The following ESR1 variants were observed in gnomAD, a reference collection of about 807,000 sequenced individuals.
ESR1 encodes estrogen receptor.
A neutral mutation model predicts 52.7 loss-of-function variants in ESR1; 12 were observed. The ratio of observed to expected loss-of-function variants is 0.23; its 90% CI spans 0.15 to 0.37. The LOEUF is 0.37. Among genes scored for constraint, ESR1 ranks in the 10% least tolerant of loss-of-function variants. The probability of loss-of-function intolerance (pLI) is 1.00; values close to 1 mark genes in which losing one functional copy is unlikely to be tolerated. For synonymous variants in ESR1, 305 were observed against 316.8 expected (o/e 0.96, Z 0.39); for missense variants, 584 against 779.7 (o/e 0.75, Z 2.99).
At chr6:151,809,296 T>C in intron 1 of ESR1, 1 of 352,668 alleles carries the variant, frequency 2.8e-6, no homozygotes, top group Non-Finnish European at 6.2e-6. Flanking sequence ...TTTTAATTTT[T>C]TTCCCTACAA....
chr6:151,875,922 G>T (rs1639092296), intron 2 of ESR1, among the ~76,000 whole-genome samples: 1 of 152,210 alleles, frequency 6.6e-6, no homozygotes, highest in East Asian at 1.9e-4. Context: ...ATTGAGGCAG[G>T]ATAGTGGCCT....
intron 2 of ESR1, among the ~76,000 whole-genome samples, chr6:151,783,817 C>T (rs913404799): frequency 6.6e-6 from 1 of 152,064 alleles, no homozygotes; most frequent in Non-Finnish European, 1.5e-5. Context: ...TCCAGAATAC[C>T]ACATTACATT....
chr6:152,001,009 A>G (rs1167824430), intron 4 of ESR1, among the ~76,000 whole-genome samples: 2 of 152,010 alleles, frequency 1.3e-5, no homozygotes, highest in African/African-American at 2.4e-5. Flanking sequence ...TTCCTGTTGT[A>G]ATCCTTAGGG....
intron 4 of ESR1, among the ~76,000 whole-genome samples, chr6:151,991,337 T>G (rs971438289): frequency 6.6e-6 from 1 of 152,178 alleles, no homozygotes; most frequent in Admixed American, 6.5e-5. Flanking sequence ...CGCATTTTAT[T>G]TTTATTTTCT....
intron 2 of ESR1, among the ~76,000 whole-genome samples, chr6:151,768,654 A>G (rs1407280281): frequency 6.6e-6 from 1 of 152,156 alleles, no homozygotes; most frequent in Non-Finnish European, 1.5e-5. Flanking sequence ...TTACTCTCAA[A>G]CATCTCAGAA....
At chr6:151,830,729 CT>C (rs1307847620) in intron 1 of ESR1, among the ~76,000 whole-genome samples, 1 of 152,046 alleles carries the variant, frequency 6.6e-6, no homozygotes, top group Non-Finnish European at 1.5e-5. Flanking sequence ...TTTTTCCAGT[CT>C]ATTCTTGTTT....
intron 3 of ESR1, among the ~76,000 whole-genome samples, chr6:151,890,027 A>T (rs1794465311): frequency 6.6e-6 from 1 of 151,798 alleles, no homozygotes; most frequent in South Asian, 2.1e-4. Flanking sequence ...TATGGTGTCA[A>T]TGTTCTTAAA....
intron 2 of ESR1, among the ~76,000 whole-genome samples, chr6:151,771,846 A>C (rs1785545602): frequency 6.6e-6 from 1 of 152,194 alleles, no homozygotes; most frequent in South Asian, 2.1e-4. Flanking sequence ...ATTAAAAAAA[A>C]CAACAACTGA....
chr6:151,691,422 G>A (rs529541641), intron 1 of ESR1, among the ~76,000 whole-genome samples: 1 of 152,272 alleles, frequency 6.6e-6, no homozygotes, highest in South Asian at 2.1e-4. Context: ...GGAAATGCTC[G>A]CTGAACTGTA....
At chr6:151,945,121 G>A (rs1451690704) in intron 4 of ESR1, among the ~76,000 whole-genome samples, 1 of 152,120 alleles carries the variant, frequency 6.6e-6, no homozygotes, top group African/African-American at 2.4e-5. Context: ...GGGAGGCCGA[G>A]GTGAGAGGAT....
At chr6:151,842,875 C>A in intron 2 of ESR1, 88 bp downstream of exon 2, 1 of 1,162,828 alleles carries the variant, frequency 8.6e-7, no homozygotes, top group Non-Finnish European at 1.3e-6. Context: ...GACATAGAAT[C>A]AGCCATTTGT....
intron 1 of ESR1, among the ~76,000 whole-genome samples, chr6:151,661,051 A>G (rs574305166): frequency 1.6e-4 from 25 of 152,376 alleles, no homozygotes; most frequent in African/African-American, 5.8e-4. Flanking sequence ...GAGTGAGTGC[A>G]ATAGACACAA....
chr6:151,895,987 G>A (rs1389926190), intron 3 of ESR1, among the ~76,000 whole-genome samples: 2 of 151,948 alleles, frequency 1.3e-5, no homozygotes, highest in Admixed American at 6.5e-5. Flanking sequence ...ATAGGGTTTC[G>A]CTATGTTGGC....
chr6:151,803,228 A>G (rs1777438370), upstream of ESR1, among the ~76,000 whole-genome samples: 1 of 152,182 alleles, frequency 6.6e-6, no homozygotes, highest in Non-Finnish European at 1.5e-5. Context: ...AAACAGATAA[A>G]TAACTCTAAT....
chr6:152,042,479 GCA>G (rs2045888670), intron 5 of ESR1, among the ~76,000 whole-genome samples: 1 of 152,170 alleles, frequency 6.6e-6, no homozygotes, highest in South Asian at 2.1e-4. Flanking sequence ...TTTCCCCAGT[GCA>G]CAGTTACCCT....
intron 4 of ESR1, among the ~76,000 whole-genome samples, chr6:151,958,412 A>G (rs949711273): frequency 5.3e-5 from 8 of 152,246 alleles, no homozygotes; most frequent in Non-Finnish European, 1.2e-4. Flanking sequence ...ATAAAGAAAC[A>G]GAGGCATTGA....
rs1364914067 is a variant in ESR1 at position 151,779,900 on chromosome 6, A to C, written c.-70-27943A>C. Among the ~76,000 whole-genome samples the C allele has an allele frequency of 2.1e-4, 24 of 115,674 alleles. No homozygotes were observed. In the East Asian group the frequency reaches 4.8e-3, roughly 23 times the overall value. The allele number at this position is 115,674 out of a possible 152,430, so 75.9% of individuals were successfully genotyped here. Reference sequence around the variant, plus strand: ...GGGCGACAGAGCGAGACTCCGTCTCAAAAAAAAAAAAAAAAAAAAAGGAAA... The same window carrying C: ...GGGCGACAGAGCGAGACTCCGTCTCCAAAAAAAAAAAAAAAAAAAAGGAAA... On this transcript the variant is annotated intron_variant, in intron 2 of 2. Transcript: ENST00000404742.
chr6:152,117,188 G>A (rs1239866013), intron 6 of ESR1, among the ~76,000 whole-genome samples: 1 of 152,210 alleles, frequency 6.6e-6, no homozygotes. Flanking sequence ...GGAGGTGTGG[G>A]GCAAGGGGTG....
chr6:151,785,304 G>C (rs1404021411), intron 2 of ESR1, among the ~76,000 whole-genome samples: 1 of 152,144 alleles, frequency 6.6e-6, no homozygotes, highest in Non-Finnish European at 1.5e-5. Context: ...ATGGCATCTG[G>C]GTGGAGATAT....
Sources: allele counts gnomAD v4.1 joint callset (sites outside exome capture counted in the v4.1 genomes callset), GRCh38; gene constraint gnomAD v4.1.1; transcripts MANE v1.5; gene names NCBI Gene and HGNC (gene_info 2026-07-23, HGNC 2026-07-21).